Variants in RPTOR observed in about 807,000 individuals in gnomAD.
The protein encoded by RPTOR is regulatory associated protein of MTOR complex 1, also known as regulatory-associated protein of mTOR.
In RPTOR, 21 loss-of-function variants were observed where a neutral mutation model predicts 169.9. The observed-to-expected ratio is 0.12, with a 90% confidence interval of 0.09 to 0.18. RPTOR has a LOEUF of 0.18. RPTOR is among the 10% of genes least tolerant of loss of function. The pLI, the probability that RPTOR is intolerant of heterozygous loss-of-function variation, is 1.00. For missense variants in RPTOR, 1,133 were observed against 1,855.9 expected (o/e 0.61, Z 7.16); for synonymous variants, 732 against 753.2 (o/e 0.97, Z 0.46).
chr17:80,907,125 G>A (rs1241031696), intron 20 of RPTOR, among the ~76,000 whole-genome samples: 1 of 152,254 alleles, frequency 6.6e-6, no homozygotes, highest in African/African-American at 2.4e-5. Flanking sequence ...GTGCGCAGCT[G>A]TGTTCCTGCA....
In RPTOR at chr17:80,890,330, A is replaced by G. The variant is rs1049852460; in HGVS notation, c.1984-1390A>G. On this transcript the variant is annotated intron_variant, in intron 17 of 33. Transcript: ENST00000306801. ...AGGTGCAGCCTTGATCTTCCCTGGA[A>G]GGGGCCCAGTGGGTGTTCGCTTTGT... Among the ~76,000 whole-genome samples, 4 of 152,202 alleles carry G rather than the reference A, an allele frequency of 2.6e-5. No homozygotes were observed. The South Asian group carries it at 6.2e-4, about 24-fold the overall frequency.
At chr17:80,791,644 C>A in intron 7 of RPTOR, 135 bp downstream of exon 7, 1 of 745,812 alleles carries the variant, frequency 1.3e-6, no homozygotes, top group Non-Finnish European at 2.1e-6. Flanking sequence ...TTCTTTTGTT[C>A]TCTGATTAAG....
intron 1 of RPTOR, among the ~76,000 whole-genome samples, chr17:80,610,605 G>A (rs2065263276): frequency 6.6e-6 from 1 of 152,128 alleles, no homozygotes; most frequent in South Asian, 2.1e-4. Flanking sequence ...TTCTTGCTGG[G>A]CGGCTCTCAC....
At position 80,708,976 on chromosome 17, in the gene RPTOR, C is replaced by CT; in HGVS notation, c.507+978dup. Reference sequence around the variant, plus strand: ...ACTCCGTTTCTTCACACACTGAACTCTCGGTTCCCGCCTACCGTCCCGGGT... The same window carrying CT: ...ACTCCGTTTCTTCACACACTGAACTCTTCGGTTCCCGCCTACCGTCCCGGGT... On this transcript the variant is annotated intron_variant, in intron 4 of 33. Coordinates refer to ENST00000306801, the MANE Select transcript of RPTOR (RefSeq NM_020761.3). The surrounding 1 kb of genome is among the most constrained non-coding windows in gnomAD (Gnocchi z 4.2). 1.0e-6 allele frequency: 1 copy of CT among 985,822 alleles called. No homozygotes were observed. The highest frequency in any genetic ancestry group is 1.2e-6 in the Non-Finnish European group (1 of 829,988). The allele number at this position is 985,822 out of a possible 1,614,324, so 61.1% of individuals were successfully genotyped here.
At chr17:80,690,129 A>T (rs1440324569) in intron 3 of RPTOR, among the ~76,000 whole-genome samples, 1 of 151,938 alleles carries the variant, frequency 6.6e-6, no homozygotes, top group Non-Finnish European at 1.5e-5. Flanking sequence ...ATTATGAAAA[A>T]TTTCAACATA....
At chr17:80,884,084 G>A in intron 16 of RPTOR, 112 bp downstream of exon 16, 2 of 1,049,718 alleles carry the variant, frequency 1.9e-6, no homozygotes, top group Non-Finnish European at 2.7e-6. Context: ...GAACTTCAGG[G>A]GCTGCACGCT....
At chr17:80,757,067 C>T (rs370200047) in intron 6 of RPTOR, among the ~76,000 whole-genome samples, 1 of 152,038 alleles carries the variant, frequency 6.6e-6, no homozygotes, top group African/African-American at 2.4e-5. Flanking sequence ...AGTGGGGGCT[C>T]ACAGGAGGCC....
intron 20 of RPTOR, among the ~76,000 whole-genome samples, chr17:80,903,827 C>T (rs917774380): frequency 1.8e-4 from 27 of 152,130 alleles, no homozygotes; most frequent in African/African-American, 4.8e-4. Context: ...GCCTGGTGCT[C>T]GCTCAACCAA....
At chr17:80,924,683 A>G (rs1169414093) in intron 23 of RPTOR, among the ~76,000 whole-genome samples, 1 of 151,526 alleles carries the variant, frequency 6.6e-6, no homozygotes, top group African/African-American at 2.4e-5. Context: ...GGGGGGATGC[A>G]CCTCTCACTG....
intron 6 of RPTOR, among the ~76,000 whole-genome samples, chr17:80,786,431 T>C (rs1435515039): frequency 6.6e-6 from 1 of 152,234 alleles, no homozygotes; most frequent in African/African-American, 2.4e-5. Context: ...GTTACCGAGC[T>C]GAACATTAAT....
chr17:80,888,279 T>C (rs2068273294), intron 17 of RPTOR, among the ~76,000 whole-genome samples: 1 of 152,140 alleles, frequency 6.6e-6, no homozygotes. Flanking sequence ...CATGCTGGGC[T>C]AATTTTTGTA....
chr17:80,666,032 G>T (rs1308900907), intron 3 of RPTOR, among the ~76,000 whole-genome samples: 1 of 152,150 alleles, frequency 6.6e-6, no homozygotes, highest in African/African-American at 2.4e-5. Context: ...ACTGGGACTT[G>T]TGGGCTGAGC....
At chr17:80,848,338 A>C (rs1057400683) in intron 11 of RPTOR, among the ~76,000 whole-genome samples, 2 of 152,258 alleles carry the variant, frequency 1.3e-5, no homozygotes, top group Non-Finnish European at 2.9e-5. Context: ...TGCTGTCAGT[A>C]TATTATGACA....
Position 80,820,845 on chromosome 17 carries a change from G to A in RPTOR, c.891-1356G>A, listed in dbSNP as rs1486712709. On this transcript the variant is annotated intron_variant, in intron 7 of 33. Transcript: ENST00000306801. This position sits in a 1 kb window ranked among gnomAD's most constrained non-coding sequence, Gnocchi z 4.1. ...CCACCACCCACACAGCTAATGAAAG[G>A]GGCTTCTCCGTCATCCCCGTCCTGG... Among the ~76,000 whole-genome samples the A allele has an allele frequency of 6.6e-6, 1 of 152,174 alleles. No homozygotes were observed. The highest frequency in any genetic ancestry group is 2.4e-5 in the African/African-American group (1 of 41,438).
chr17:80,877,427 C>T (rs1264116427), intron 13 of RPTOR, among the ~76,000 whole-genome samples: 1 of 152,246 alleles, frequency 6.6e-6, no homozygotes, highest in East Asian at 1.9e-4. Context: ...TCAGAACAGA[C>T]ATCTGGTAGT....
rs971820284 is a variant in RPTOR, at chr17:80,609,614, G to A, written c.163-16077G>A. Among the ~76,000 whole-genome samples, 4 of 152,106 alleles carry A rather than the reference G, an allele frequency of 2.6e-5. No individual in the cohort carries two copies. The highest frequency in any genetic ancestry group is 1.9e-4 in the East Asian group (1 of 5,184). On this transcript the variant is annotated intron_variant, in intron 1 of 33. Transcript: ENST00000306801. This position sits in a 1 kb window ranked among gnomAD's most constrained non-coding sequence, Gnocchi z 4.8. ...AGAAAAATTAGCCGGGCATGATGGC[G>A]CACGCCTGTAATTCCGGCTACTCAG...
chr17:80,666,505 T>C (rs750916851), intron 3 of RPTOR, among the ~76,000 whole-genome samples: 10 of 152,094 alleles, frequency 6.6e-5, no homozygotes, highest in Non-Finnish European at 1.0e-4. Context: ...GGCGCAAGGA[T>C]GAAAATGACT....
At position 80,883,927 on chromosome 17, in the gene RPTOR, C is replaced by G. The variant is rs61733885; in HGVS notation, c.1797C>G (p.Ser599Arg). 1 of 1,613,374 alleles carries G rather than the reference C, an allele frequency of 6.2e-7. No individual in the cohort carries two copies. The highest frequency in any genetic ancestry group is 8.5e-7 in the Non-Finnish European group (1 of 1,180,000). ...DSARWCGVRD[S>R]AHEKLYSLLS... ...CGAGGTGGTGCGGCGTGAGGGACAG[C>G]GCTCATGAGAAGCTCTACAGCCTCC... is the stretch of plus-strand genomic sequence containing the variant. The change falls in exon 16 of 34, where the codon AGC (serine) becomes AGG (arginine). Residue 599 changes from serine (S) to arginine (R), a missense_variant. Coordinates refer to ENST00000306801, the MANE Select transcript of RPTOR (RefSeq NM_020761.3).
At chr17:80,767,041 A>G (rs2066794486) in intron 6 of RPTOR, among the ~76,000 whole-genome samples, 1 of 152,218 alleles carries the variant, frequency 6.6e-6, no homozygotes, top group Non-Finnish European at 1.5e-5. Context: ...TTCATCAGAA[A>G]TGAAAGAGGG....
Sources: allele counts gnomAD v4.1 joint callset (sites outside exome capture counted in the v4.1 genomes callset), GRCh38; gene constraint gnomAD v4.1.1; non-coding constraint Gnocchi (gnomAD v3.1); transcripts MANE v1.5; gene names NCBI Gene and HGNC (gene_info 2026-07-23, HGNC 2026-07-21).